PTPN14: variants seen among roughly 807,000 people sequenced by gnomAD.
PTPN14 encodes the protein protein tyrosine phosphatase non-receptor type 14, also known as tyrosine-protein phosphatase non-receptor type 14.
A neutral mutation model predicts 126.8 loss-of-function variants in PTPN14; 53 were observed. The observed-to-expected ratio is 0.42, with a 90% confidence interval of 0.34 to 0.53. PTPN14 has a LOEUF of 0.53. Among genes scored for constraint, PTPN14 ranks in the 20% least tolerant of loss-of-function variants. PTPN14 has a pLI of 0.08. For synonymous variants in PTPN14, 630 were observed against 599.3 expected (o/e 1.05, Z -0.75); for missense variants, 1,257 against 1,552.9 (o/e 0.81, Z 3.20).
At chr1:214,514,336 C>T (rs1039525432) in intron 1 of PTPN14, among the ~76,000 whole-genome samples, 6 of 152,084 alleles carry the variant, frequency 3.9e-5, no homozygotes, top group Admixed American at 6.6e-5. Flanking sequence ...TAAGACATGC[C>T]GCATGTATGG....
At chr1:214,505,298 A>C (rs1654812011) in intron 1 of PTPN14, among the ~76,000 whole-genome samples, 2 of 152,126 alleles carry the variant, frequency 1.3e-5, no homozygotes, top group South Asian at 2.1e-4. Flanking sequence ...GAAAGGGAAC[A>C]CCCAGGGAAG....
At chr1:214,483,770 A>T (rs1452252268) in intron 1 of PTPN14, among the ~76,000 whole-genome samples, 1 of 152,084 alleles carries the variant, frequency 6.6e-6, no homozygotes, top group African/African-American at 2.4e-5. Context: ...TCACCTTTTA[A>T]TTATCTCAGT....
At chr1:214,366,295 G>A (rs1006848453) in intron 17 of PTPN14, among the ~76,000 whole-genome samples, 4 of 152,176 alleles carry the variant, frequency 2.6e-5, no homozygotes, top group South Asian at 2.1e-4. Flanking sequence ...ATTTTTCTGC[G>A]AGGGGGAAAA....
At chr1:214,392,801 T>C (rs1222023949) in intron 10 of PTPN14, among the ~76,000 whole-genome samples, 1 of 152,082 alleles carries the variant, frequency 6.6e-6, no homozygotes, top group African/African-American at 2.4e-5. Flanking sequence ...GCCTCCACGG[T>C]GTGGAGAAAA....
At chr1:214,372,107 G>A (rs560963309) in intron 16 of PTPN14, 1 of 152,422 alleles carries the variant, frequency 6.6e-6, no homozygotes, top group Non-Finnish European at 1.5e-5. Flanking sequence ...ACACCGACTG[G>A]ATTGACTGGC....
rs1174398893 is a variant in PTPN14 at position 214,400,207 on chromosome 1, T to C, written c.669+1478A>G. ...TACTCACAGTCTTTCCCTGCATATT[T>C]TCTTGTCTGCTTTTTCACTTATTGC... On this transcript the variant is annotated intron_variant, in intron 7 of 18. Transcript: ENST00000366956. Among the ~76,000 whole-genome samples the C allele has an allele frequency of 2.0e-5, 3 of 152,230 alleles. No individual in the cohort carries two copies. In the East Asian group the frequency reaches 5.8e-4, roughly 29 times the overall value.
At chr1:214,500,634 A>G (rs1394097915) in intron 1 of PTPN14, among the ~76,000 whole-genome samples, 1 of 152,176 alleles carries the variant, frequency 6.6e-6, no homozygotes. Flanking sequence ...ACAGACAGAA[A>G]CAATCAATTC....
chr1:214,447,450 G>A (rs10494976), intron 3 of PTPN14, among the ~76,000 whole-genome samples: 8,931 of 151,782 alleles, frequency 0.059, 310 homozygotes, highest in South Asian at 0.15. Context: ...TAGTCCATAA[G>A]CCTACAACCT....
chr1:214,420,033 T>C (rs1659509553), intron 3 of PTPN14, among the ~76,000 whole-genome samples: 1 of 152,236 alleles, frequency 6.6e-6, no homozygotes, highest in African/African-American at 2.4e-5. Context: ...ACCCATGCAC[T>C]ATCTAAAAGC....
At chr1:214,483,438 C>T (rs563325503) in intron 1 of PTPN14, 10 of 1,178,378 alleles carry the variant, frequency 8.5e-6, no homozygotes, top group East Asian at 4.9e-5. Context: ...CGGGAGCGGG[C>T]GCACAAGCCT....
intron 1 of PTPN14, among the ~76,000 whole-genome samples, chr1:214,497,918 G>C (rs540633149): frequency 6.6e-6 from 1 of 152,234 alleles, no homozygotes; most frequent in Non-Finnish European, 1.5e-5. Context: ...ACACACGAGA[G>C]AGAGAGAGAA....
chr1:214,381,157 C>T (rs1658462724), intron 13 of PTPN14, among the ~76,000 whole-genome samples: 1 of 152,126 alleles, frequency 6.6e-6, no homozygotes, highest in African/African-American at 2.4e-5. Flanking sequence ...AAGGAGGAGA[C>T]CCATGCCAAG....
chr1:214,411,092 CA>C (rs1659298626), intron 5 of PTPN14, among the ~76,000 whole-genome samples: 1 of 152,092 alleles, frequency 6.6e-6, no homozygotes, highest in South Asian at 2.1e-4. Context: ...GGTATCTTTC[CA>C]TTTGTGTCAT....
chr1:214,369,826 C>CCTGTGGTAG, intron 16 of PTPN14, 135 bp from the exon 17 acceptor site: 1 of 740,606 alleles, frequency 1.4e-6, no homozygotes, highest in Non-Finnish European at 2.4e-6. Context: ...CAGTGTCTAC[C>CCTGTGGTAG]ACAGGGTAGA....
At position 214,391,004 on chromosome 1, in the gene PTPN14, C is replaced by T. The variant is rs752084020; in HGVS notation, c.971G>A (p.Trp324Ter). Residue 324 changes from tryptophan to a stop codon, truncating the protein, a stop_gained, in exon 11 of 19, where the codon TGG becomes TAG. Coordinates refer to ENST00000366956, the MANE Select transcript of PTPN14 (RefSeq NM_005401.5). LOFTEE classifies it high-confidence loss of function. ...TATACATACCAGAGAGGATCGGCTC[C>T]AGGTGGGCTGGCGTCTGATGGGGGG... ...SPPPIRRQPT[W>*]SRSSLPRQQP... 6.3e-7 allele frequency: 1 copy of T among 1,583,858 alleles called. No individual in the cohort carries two copies. Among genetic ancestry groups the T allele is most frequent in the East Asian group, 2.2e-5 (1 of 44,654 alleles).
intron 8 of PTPN14, among the ~76,000 whole-genome samples, chr1:214,397,400 G>GA (rs1426689072): frequency 1.3e-5 from 2 of 152,172 alleles, no homozygotes; most frequent in Admixed American, 6.5e-5. Context: ...ATGCAGGGGG[G>GA]AGATGGCTGC....
chr1:214,383,969 G>A lies in PTPN14; in HGVS notation c.1886C>T (p.Thr629Met), dbSNP rs139407701. ...CACAGTGCCGTGGTGCTTGGTGGCC[G>A]TGAGGGGCTCGCTCACCTCCTGGAG... ...QSLQEVSEPL[T>M]ATKHHGTVNK... Residue 629 changes from threonine (T) to methionine (M), a missense_variant, in exon 13 of 19, where the codon ACG (threonine) becomes ATG (methionine). Transcript: ENST00000366956. The surrounding 1 kb of genome is among the most constrained non-coding windows in gnomAD (Gnocchi z 4.4). The A allele has an allele frequency of 8.8e-4, 1,417 of 1,611,946 alleles. 12 individuals carry two copies. The African/African-American group carries it at 0.016, about 19-fold the overall frequency.
chr1:214,485,088 T>A (rs918503878), intron 1 of PTPN14, among the ~76,000 whole-genome samples: 1 of 152,212 alleles, frequency 6.6e-6, no homozygotes, highest in Admixed American at 6.5e-5. Context: ...ATAGAAAGCA[T>A]TGAGCTGAGT....
chr1:214,406,490 A>C (rs979556812), intron 5 of PTPN14, among the ~76,000 whole-genome samples: 2 of 151,502 alleles, frequency 1.3e-5, no homozygotes, highest in African/African-American at 4.8e-5. Context: ...AAAAAAAAAA[A>C]GAAAAAAAAA....
Sources: gnomAD v4.1 joint callset for allele counts (sites outside exome capture counted in the v4.1 genomes callset) on GRCh38, gnomAD v4.1.1 for gene constraint, Gnocchi (gnomAD v3.1) non-coding constraint, MANE v1.5 for transcripts, NCBI Gene and HGNC (gene_info 2026-07-23, HGNC 2026-07-21) for gene names.